Variants in PPP6R2 observed in about 807,000 individuals in gnomAD.
The protein encoded by PPP6R2 is serine/threonine-protein phosphatase 6 regulatory subunit 2.
PPP6R2 carries 62 observed loss-of-function variants against 100.2 expected under a neutral mutation model. The ratio of observed to expected loss-of-function variants is 0.62; its 90% CI spans 0.50 to 0.76. The LOEUF is 0.76. PPP6R2 is among the 30% of genes least tolerant of loss of function. PPP6R2 has a pLI of 0.00. For synonymous variants in PPP6R2, 525 were observed against 514.7 expected, an observed-to-expected ratio of 1.02 and a Z score of -0.27; for missense variants, 1,142 against 1,276.3, an observed-to-expected ratio of 0.89 and a Z score of 1.60.
the PPP6R2 span, among the ~76,000 whole-genome samples, chr22:50,334,941 ACT>A: frequency 1.3e-5 from 2 of 151,878 alleles, no homozygotes; most frequent in Non-Finnish European, 2.9e-5. Flanking sequence ...ACAGAGTGAG[ACT>A]CTGTGTCAAA....
In PPP6R2 at chr22:50,436,987, G is replaced by C; in HGVS notation, c.1603-1G>C. On this transcript the variant is annotated splice_acceptor_variant, in intron 14 of 23. Coordinates refer to ENST00000612753, the MANE Select transcript of PPP6R2 (RefSeq NM_001242898.2). LOFTEE classifies it high-confidence loss of function. ...CCCACCCCATCTGGCCTGTGTTTTA[G>C]GTGAGCACTCACCACCTTCACTCCT... 5.8e-6 allele frequency: 9 copies of C among 1,555,118 alleles called. No homozygotes were observed. Among genetic ancestry groups the C allele is most frequent in the Non-Finnish European group, 7.8e-6 (9 of 1,149,352 alleles).
intron 10 of PPP6R2, among the ~76,000 whole-genome samples, chr22:50,429,066 T>A (rs968825045): frequency 6.6e-6 from 1 of 152,092 alleles, no homozygotes; most frequent in Non-Finnish European, 1.5e-5. Context: ...GTTTTGCTCT[T>A]GTTGCCCAGG....
At chr22:50,417,447 G>A (rs1325337676) in intron 6 of PPP6R2, among the ~76,000 whole-genome samples, 3 of 152,148 alleles carry the variant, frequency 2.0e-5, no homozygotes, top group African/African-American at 7.2e-5. Flanking sequence ...GGTGACAATG[G>A]GGCTCCCTGT....
At chr22:50,347,521 C>T (rs1483934674) in intron 1 of PPP6R2, among the ~76,000 whole-genome samples, 2 of 152,036 alleles carry the variant, frequency 1.3e-5, no homozygotes, top group African/African-American at 4.8e-5. Flanking sequence ...TTCCCCCATG[C>T]ACCGTACTGT....
At chr22:50,337,548 GGTGT>G in the PPP6R2 span, among the ~76,000 whole-genome samples, 1 of 145,352 alleles carries the variant, frequency 6.9e-6, no homozygotes, top group African/African-American at 2.6e-5. Context: ...TGCGATGTGT[GGTGT>G]GTGTGGGGTC....
At chr22:50,378,127 C>T (rs1262866253) in intron 2 of PPP6R2, among the ~76,000 whole-genome samples, 2 of 152,064 alleles carry the variant, frequency 1.3e-5, no homozygotes, top group East Asian at 1.9e-4. Context: ...TTAAAATAAA[C>T]GAAAAACACA....
chr22:50,340,016 AGT>A (rs1262131047), upstream of PPP6R2, among the ~76,000 whole-genome samples: 43 of 63,192 alleles, frequency 6.8e-4, no homozygotes, highest in African/African-American at 2.6e-3. Flanking sequence ...TGTGGTATGT[AGT>A]GTGTGTGTAG....
chr22:50,343,725 C>T (rs2042738744), intron 1 of PPP6R2, among the ~76,000 whole-genome samples, 175 bp downstream of exon 1: 2 of 90,820 alleles, frequency 2.2e-5, no homozygotes, highest in Non-Finnish European at 4.4e-5. Context: ...CCCCCCAAGT[C>T]AGTCAGTGCC....
In PPP6R2 at chr22:50,406,596, G is replaced by T. The variant is rs544650926; in HGVS notation, c.228-93G>T. 1.9e-3 allele frequency: 2,259 copies of T among 1,169,132 alleles called. 12 individuals are homozygous for T. The highest frequency in any genetic ancestry group is 1.8e-3 in the Non-Finnish European group (1,478 of 812,608). 72.4% of individuals were successfully genotyped at this position (1,169,132 alleles called of 1,614,324 possible). A position where few individuals can be genotyped will look rare whatever the true frequency, so the allele number is the denominator to read the frequency against. On this transcript the variant is annotated intron_variant, in intron 3 of 23. Transcript: ENST00000612753. ...TCTGTAGTGTTTGTTTGATCACGTG[G>T]GTCTGCTTCCTAAGAAGCAGACTAT... is the stretch of plus-strand genomic sequence containing the variant.
In PPP6R2 at chr22:50,423,426, C is replaced by T. The variant is rs1223694487; in HGVS notation, c.973-36C>T. ...ACTCCAGCAGTGGCCTCACTGCTCACAGGGCCTAACTGGGTGGTGCCTTCT... is the reference window on the plus strand; with the variant it reads ...ACTCCAGCAGTGGCCTCACTGCTCATAGGGCCTAACTGGGTGGTGCCTTCT... On this transcript the variant is annotated intron_variant, in intron 9 of 23. Transcript: ENST00000612753. This position sits in a 1 kb window ranked among gnomAD's most constrained non-coding sequence, Gnocchi z 4.8. The T allele has an allele frequency of 6.2e-7, 1 of 1,612,804 alleles. No individual in the cohort carries two copies. The highest frequency in any genetic ancestry group is 8.5e-7 in the Non-Finnish European group (1 of 1,178,956).
In PPP6R2 at chr22:50,423,621, G is replaced by C; in HGVS notation, c.1125+7G>C. Reference sequence around the variant, plus strand: ...CACGATGGACTTACTGCTGGTAAGTGGGCCCCTCAGCCAGCCCTGCATGTC... The same window carrying C: ...CACGATGGACTTACTGCTGGTAAGTCGGCCCCTCAGCCAGCCCTGCATGTC... On this transcript the variant is annotated splice_region_variant and intron_variant, in intron 10 of 23. Transcript: ENST00000612753. This position sits in a 1 kb window ranked among gnomAD's most constrained non-coding sequence, Gnocchi z 4.8. The C allele has an allele frequency of 6.2e-7, 1 of 1,613,990 alleles. No individual in the cohort carries two copies. Among genetic ancestry groups the C allele is most frequent in the Non-Finnish European group, 8.5e-7 (1 of 1,179,986 alleles).
intron 2 of PPP6R2, among the ~76,000 whole-genome samples, chr22:50,383,621 T>C (rs775104236): frequency 4.6e-5 from 7 of 152,148 alleles, no homozygotes; most frequent in African/African-American, 9.7e-5. Flanking sequence ...GGAGAATACA[T>C]AGGAATTAGC....
intron 2 of PPP6R2, among the ~76,000 whole-genome samples, chr22:50,380,714 G>T (rs1185837046): frequency 6.6e-6 from 1 of 151,058 alleles, no homozygotes; most frequent in East Asian, 2.0e-4. Context: ...AACTGGCCGG[G>T]TGCGGTGGCT....
intron 1 of PPP6R2, among the ~76,000 whole-genome samples, chr22:50,351,784 C>T (rs185298997): frequency 1.8e-3 from 281 of 151,990 alleles, no homozygotes; most frequent in African/African-American, 6.4e-3. Flanking sequence ...CAGGTAGCCG[C>T]CGCCATACCC....
intron 4 of PPP6R2, among the ~76,000 whole-genome samples, chr22:50,408,127 T>C (rs1355241289): frequency 6.6e-6 from 1 of 152,200 alleles, no homozygotes; most frequent in Non-Finnish European, 1.5e-5. Context: ...GCTCAAGTGA[T>C]CTGCCTGCCC....
At chr22:50,338,764 AGTGT>A (rs1327414240), upstream of PPP6R2, among the ~76,000 whole-genome samples, 2 of 75,858 alleles carry the variant, frequency 2.6e-5, no homozygotes, top group African/African-American at 1.1e-4. Flanking sequence ...TGTGGTAGGT[AGTGT>A]GTGTGGTATG....
intron 1 of PPP6R2, among the ~76,000 whole-genome samples, chr22:50,349,823 AAAAAAAC>A (rs929422772): frequency 2.8e-5 from 4 of 142,070 alleles, no homozygotes; most frequent in African/African-American, 1.2e-4. Context: ...CTTAAAAAAA[AAAAAAAC>A]AGAAAAAAGC....
chr22:50,443,985 G>A lies in PPP6R2; in HGVS notation c.2699G>A (p.Ser900Asn), dbSNP rs938612695. The part of the protein sequence containing the change: ...EATVAITTAL[S>N]KAGPAIPTPA... ...ACTGTGGCCATCACCACAGCACTGA[G>A]CAAGGCTGGCCCCGCCATACCCACC... The change falls in exon 23 of 24, where the codon AGC becomes AAC. Residue 900 changes from serine (S) to asparagine (N), a missense_variant. Coordinates refer to ENST00000612753, the MANE Select transcript of PPP6R2 (RefSeq NM_001242898.2). The A allele has an allele frequency of 1.9e-6, 3 of 1,612,526 alleles. No homozygotes were observed. In the African/African-American group the frequency reaches 4.0e-5, roughly 22 times the overall value.
chr22:50,414,491 G>T, intron 4 of PPP6R2, 61 bp from the exon 5 acceptor site: 1 of 1,569,572 alleles, frequency 6.4e-7, no homozygotes, highest in South Asian at 1.1e-5. Context: ...AGTTTTTGGA[G>T]GAGGTGTCTC....
Sources: allele counts gnomAD v4.1 joint callset (sites outside exome capture counted in the v4.1 genomes callset), GRCh38; gene constraint gnomAD v4.1.1; non-coding constraint Gnocchi (gnomAD v3.1); transcripts MANE v1.5; gene names NCBI Gene and HGNC (gene_info 2026-07-23, HGNC 2026-07-21).